PPP4R4: variants seen among roughly 807,000 people sequenced by gnomAD.
PPP4R4 encodes the protein serine/threonine-protein phosphatase 4 regulatory subunit 4.
A neutral mutation model predicts 121.8 loss-of-function variants in PPP4R4; 70 were observed. The observed-to-expected ratio is 0.57, with a 90% CI of 0.47 to 0.70. The LOEUF (loss-of-function observed/expected upper bound fraction) is 0.70, where lower values mean the gene tolerates loss of function less well. Among genes scored for constraint, PPP4R4 ranks in the 30% least tolerant of loss-of-function variants. The pLI, the probability that PPP4R4 is intolerant of heterozygous loss-of-function variation, is 0.00. For synonymous variants in PPP4R4, 348 were observed against 355.7 expected (o/e 0.98, Z 0.24); for missense variants, 875 against 1,033.6 (o/e 0.85, Z 2.10).
chr14:94,222,165 T>G (rs1291707877), intron 3 of PPP4R4, among the ~76,000 whole-genome samples: 1 of 152,074 alleles, frequency 6.6e-6, no homozygotes, highest in African/African-American at 2.4e-5. Context: ...TTACATTTAA[T>G]GTAATTGCAT....
intron 15 of PPP4R4, among the ~76,000 whole-genome samples, chr14:94,251,105 G>A (rs1383541509): frequency 1.3e-5 from 2 of 151,862 alleles, no homozygotes; most frequent in Non-Finnish European, 2.9e-5. Flanking sequence ...CTCATGTTTA[G>A]AATGTTTTAT....
chr14:94,241,815 G>A lies in PPP4R4; in HGVS notation c.1004G>A (p.Arg335Lys). 6.3e-7 allele frequency: 1 copy of A among 1,595,656 alleles called. No homozygotes were observed. The highest frequency in any genetic ancestry group is 8.5e-7 in the Non-Finnish European group (1 of 1,174,932). The change falls in exon 10 of 25, where the codon AGA becomes AAA. Residue 335 changes from arginine to lysine, a missense_variant. Arg to Lys is a conservative substitution (Grantham distance 26). Transcript: ENST00000304338. ...ATTTTCACTCCAGATCAGCACTTGA[G>A]ATTTTTGGAATTTTATAAGAAACTT... ...YGIFTPDQHL[R>K]FLEFYKKLCT...
intron 21 of PPP4R4, 122 bp from the exon 22 acceptor site, chr14:94,265,672 A>G (rs758497744): frequency 3.5e-6 from 3 of 853,354 alleles, no homozygotes; most frequent in Non-Finnish European, 5.5e-6. Context: ...GCTCAAATTA[A>G]GGAAAAAAGG....
intron 2 of PPP4R4, among the ~76,000 whole-genome samples, chr14:94,190,481 G>A (rs1229831100): frequency 6.6e-6 from 1 of 151,972 alleles, no homozygotes; most frequent in Non-Finnish European, 1.5e-5. Context: ...TGTGCCTGTA[G>A]CCCCAGCTAC....
intron 6 of PPP4R4, 131 bp downstream of exon 6, chr14:94,233,890 T>C: frequency 1.5e-6 from 1 of 647,162 alleles, no homozygotes. Flanking sequence ...TTTAACTTTA[T>C]GGAATTCTCA....
At chr14:94,236,981 A>G (rs534174902) in intron 7 of PPP4R4, among the ~76,000 whole-genome samples, 2 of 152,280 alleles carry the variant, frequency 1.3e-5, no homozygotes, top group African/African-American at 4.8e-5. Flanking sequence ...TATCATGAGG[A>G]ATAAGCAGAA....
chr14:94,272,109 T>A (rs1055156021), intron 23 of PPP4R4, among the ~76,000 whole-genome samples: 3 of 152,184 alleles, frequency 2.0e-5, no homozygotes, highest in Non-Finnish European at 4.4e-5. Context: ...ATAAACTAAA[T>A]GCAGTCTCAG....
intron 3 of PPP4R4, among the ~76,000 whole-genome samples, chr14:94,216,637 G>T (rs1891037056): frequency 6.6e-6 from 1 of 152,172 alleles, no homozygotes; most frequent in Non-Finnish European, 1.5e-5. Flanking sequence ...GTTGCTGAGG[G>T]ACAGGAGCCA....
In PPP4R4 at chr14:94,235,205, A is replaced by G. The variant is rs117759916; in HGVS notation, c.731+536A>G. On this transcript the variant is annotated intron_variant, in intron 7 of 24. Transcript: ENST00000304338. Reference sequence around the variant, plus strand: ...TATTGTTCAGGAAATATTGACAAGAAAAAAGTCTGTACATGTTCAGTAAAG... The same window carrying G: ...TATTGTTCAGGAAATATTGACAAGAGAAAAGTCTGTACATGTTCAGTAAAG... 1.8e-3 allele frequency among the ~76,000 whole-genome samples: 273 copies of G among 152,260 alleles called. 3 individuals carry two copies. In the South Asian group the frequency reaches 0.029, roughly 16 times the overall value.
At position 94,279,096 on chromosome 14, in the gene PPP4R4, G is replaced by C. The variant is rs1894797950; in HGVS notation, c.*453G>C. On this transcript the variant is annotated 3_prime_UTR_variant, in exon 25 of 25. Coordinates refer to ENST00000304338, the MANE Select transcript of PPP4R4 (RefSeq NM_058237.2). Reference sequence around the variant, plus strand: ...GGACTTGGAAGGTGAGAAAGATACTGCATTTTCTCATGAGTCTCCAAGCCC... The same window carrying C: ...GGACTTGGAAGGTGAGAAAGATACTCCATTTTCTCATGAGTCTCCAAGCCC... 6.6e-6 allele frequency: 1 copy of C among 152,342 alleles called. No individual in the cohort carries two copies. Among genetic ancestry groups the C allele is most frequent in the African/African-American group, 2.4e-5 (1 of 41,434 alleles). The allele number at this position is 152,342 out of a possible 1,614,324, so 9.4% of individuals were successfully genotyped here. A position where few individuals can be genotyped will look rare whatever the true frequency, so the allele number is the denominator to read the frequency against.
rs756553762 is a variant in PPP4R4, at chr14:94,259,292, C to T, written c.2053-3C>T. 6.2e-7 allele frequency: 1 copy of T among 1,600,374 alleles called. No individual in the cohort carries two copies. Among genetic ancestry groups the T allele is most frequent in the Non-Finnish European group, 8.5e-7 (1 of 1,175,472 alleles). On this transcript the variant is annotated splice_polypyrimidine_tract_variant and splice_region_variant and intron_variant, in intron 18 of 24. Coordinates refer to ENST00000304338, the MANE Select transcript of PPP4R4 (RefSeq NM_058237.2). ...TCACAATTTCATTTTAAACTTTAAA[C>T]AGTTTCAGAAAAAGTTTTATGAGAA... is the stretch of plus-strand genomic sequence containing the variant.
At chr14:94,197,253 A>T (rs1889925495) in intron 2 of PPP4R4, among the ~76,000 whole-genome samples, 1 of 152,122 alleles carries the variant, frequency 6.6e-6, no homozygotes, top group Admixed American at 6.5e-5. Context: ...TGGTCCTCTC[A>T]GATGTTACTA....
At chr14:94,196,512 C>T (rs1359767363) in intron 2 of PPP4R4, among the ~76,000 whole-genome samples, 2 of 151,880 alleles carry the variant, frequency 1.3e-5, no homozygotes, top group Non-Finnish European at 2.9e-5. Flanking sequence ...CGGGGTTTCA[C>T]CATGTTGGTC....
At chr14:94,267,980 A>G (rs1432595116) in intron 23 of PPP4R4, among the ~76,000 whole-genome samples, 2 of 152,186 alleles carry the variant, frequency 1.3e-5, no homozygotes, top group African/African-American at 2.4e-5. Context: ...CGTACAGTAT[A>G]TAGAGTGGTT....
Position 94,208,571 on chromosome 14 carries a change from G to C in PPP4R4, c.294+5G>C. Reference sequence around the variant, plus strand: ...AGAGTGTTGCCAAAAGTCAGAGTAAGTTGGTATGAAATAAGATTGGAGTTT... The same window carrying C: ...AGAGTGTTGCCAAAAGTCAGAGTAACTTGGTATGAAATAAGATTGGAGTTT... On this transcript the variant is annotated splice_donor_5th_base_variant and intron_variant, in intron 3 of 24. Coordinates refer to ENST00000304338, the MANE Select transcript of PPP4R4 (RefSeq NM_058237.2). 1 of 1,593,686 alleles carries C rather than the reference G, an allele frequency of 6.3e-7. No homozygotes were observed. The highest frequency in any genetic ancestry group is 8.6e-7 in the Non-Finnish European group (1 of 1,163,150).
chr14:94,246,338 T>G lies in PPP4R4; in HGVS notation c.1429-19T>G. On this transcript the variant is annotated intron_variant, in intron 13 of 24. Transcript: ENST00000304338. ...TGCAATTTATTTATAATTGATTTTTTGATGCGTTTCATTTTCAGTTATCTT... is the reference window on the plus strand; with the variant it reads ...TGCAATTTATTTATAATTGATTTTTGGATGCGTTTCATTTTCAGTTATCTT... 1 of 1,584,310 alleles carries G rather than the reference T, an allele frequency of 6.3e-7. No homozygotes were observed.
At chr14:94,255,418 G>A (rs1893415104) in intron 16 of PPP4R4, among the ~76,000 whole-genome samples, 1 of 152,094 alleles carries the variant, frequency 6.6e-6, no homozygotes, top group African/African-American at 2.4e-5. Context: ...ATAACATGGT[G>A]AAACCCTGTC....
intron 2 of PPP4R4, among the ~76,000 whole-genome samples, chr14:94,192,131 C>T (rs1159924255): frequency 6.6e-6 from 1 of 152,052 alleles, no homozygotes; most frequent in African/African-American, 2.4e-5. Context: ...TTTGGTCCTA[C>T]TAAAAAATAT....
chr14:94,279,095 T>A lies in PPP4R4; in HGVS notation c.*452T>A, dbSNP rs1894797690. The A allele has an allele frequency of 6.6e-6, 1 of 152,368 alleles. No homozygotes were observed. Among genetic ancestry groups the A allele is most frequent in the African/African-American group, 2.4e-5 (1 of 41,440 alleles). 9.4% of individuals were successfully genotyped at this position (152,368 alleles called of 1,614,324 possible). A position where few individuals can be genotyped will look rare whatever the true frequency, so the allele number is the denominator to read the frequency against. ...GGGACTTGGAAGGTGAGAAAGATACTGCATTTTCTCATGAGTCTCCAAGCC... is the reference window on the plus strand; with the variant it reads ...GGGACTTGGAAGGTGAGAAAGATACAGCATTTTCTCATGAGTCTCCAAGCC... On this transcript the variant is annotated 3_prime_UTR_variant, in exon 25 of 25. Coordinates refer to ENST00000304338, the MANE Select transcript of PPP4R4 (RefSeq NM_058237.2).
Sources: gnomAD v4.1 joint callset for allele counts (sites outside exome capture counted in the v4.1 genomes callset) on GRCh38, gnomAD v4.1.1 for gene constraint, MANE v1.5 for transcripts, NCBI Gene and HGNC (gene_info 2026-07-23, HGNC 2026-07-21) for gene names.